CASD1: variants seen among roughly 807,000 people sequenced by gnomAD.
CASD1 encodes the protein CAS1 domain sialic acid O acetyltransferase 1.
Under a neutral mutation model 100.0 loss-of-function variants are expected in CASD1, and 41 were observed. The observed-to-expected ratio is 0.41, with a 90% confidence interval of 0.32 to 0.53. CASD1 has a LOEUF of 0.53. CASD1 is among the 20% of genes least tolerant of loss of function. CASD1 has a pLI of 0.25. For missense variants in CASD1, 774 were observed against 948.7 expected, an observed-to-expected ratio of 0.82 and a Z score of 2.42; for synonymous variants, 321 against 315.6, an observed-to-expected ratio of 1.02 and a Z score of -0.18.
At chr7:94,528,658 T>C (rs1794695509) in intron 5 of CASD1, among the ~76,000 whole-genome samples, 1 of 152,158 alleles carries the variant, frequency 6.6e-6, no homozygotes, top group Non-Finnish European at 1.5e-5. Flanking sequence ...AGCCTTTTTT[T>C]CCTTTTATTA....
chr7:94,611,167 AAT>A, the CASD1 span, among the ~76,000 whole-genome samples: 1 of 152,192 alleles, frequency 6.6e-6, no homozygotes, highest in African/African-American at 2.4e-5. Flanking sequence ...GAAAAATGAA[AAT>A]ATATGTCTAC....
At chr7:94,543,713 G>T (rs1324463586) in intron 10 of CASD1, among the ~76,000 whole-genome samples, 1 of 151,764 alleles carries the variant, frequency 6.6e-6, no homozygotes, top group African/African-American at 2.4e-5. Context: ...TACACATAAA[G>T]GATCAGCTGG....
At chr7:94,512,285 ATTTAAAGAAGG>A (rs1793749880) in intron 1 of CASD1, among the ~76,000 whole-genome samples, 1 of 152,212 alleles carries the variant, frequency 6.6e-6, no homozygotes, top group African/African-American at 2.4e-5. Context: ...ATCTCGTATC[ATTTAAAGAAGG>A]TTTACGAATT....
intron 5 of CASD1, among the ~76,000 whole-genome samples, chr7:94,531,572 A>C (rs1195787768): frequency 6.6e-6 from 1 of 152,154 alleles, no homozygotes. Flanking sequence ...AATATTTAAA[A>C]TTTTGTATCC....
chr7:94,601,325 AT>A, the CASD1 span, among the ~76,000 whole-genome samples: 1 of 151,740 alleles, frequency 6.6e-6, no homozygotes, highest in Non-Finnish European at 1.5e-5. Flanking sequence ...AAGAGGGACA[AT>A]TTCCAAACGT....
chr7:94,520,883 G>A (rs147999746), intron 3 of CASD1, among the ~76,000 whole-genome samples: 1,732 of 151,676 alleles, frequency 0.011, 34 homozygotes, highest in African/African-American at 0.04. Context: ...CCTGAGGTCA[G>A]GAGATCGAGA....
chr7:94,567,674 A>G, the CASD1 span, among the ~76,000 whole-genome samples: 1 of 152,180 alleles, frequency 6.6e-6, no homozygotes, highest in African/African-American at 2.4e-5. Context: ...TATGCCTGCT[A>G]GCTTCTTTTT....
chr7:94,621,443 T>G, the CASD1 span: 2 of 152,266 alleles, frequency 1.3e-5, no homozygotes, highest in Non-Finnish European at 2.9e-5. Context: ...AATCCTACAG[T>G]TGTCTAGCAG....
At chr7:94,561,787 T>C (rs1796343582), downstream of CASD1, among the ~76,000 whole-genome samples, 2 of 152,096 alleles carry the variant, frequency 1.3e-5, 1 homozygote, top group South Asian at 4.2e-4. Flanking sequence ...CTAGCTAATA[T>C]CTATCTTCTG....
rs1455116099 is a variant in CASD1 at position 94,537,666 on chromosome 7, T to C, written c.1038T>C (p.Asp346=). Residue 346 remains aspartate (D), a synonymous_variant, in exon 9 of 18, where the codon GAT becomes GAC. Coordinates refer to ENST00000297273, the MANE Select transcript of CASD1 (RefSeq NM_022900.5). Reference sequence around the variant, plus strand: ...ATCGGAAGAATAAGCCGTGTACTGATTTGGAAAGTGGAGAGGAAAAGAAAA... The same window carrying C: ...ATCGGAAGAATAAGCCGTGTACTGACTTGGAAAGTGGAGAGGAAAAGAAAA... ...NAHRKNKPCT[D]LESGEEKKNI... is the part of the protein sequence containing the mutation. The C allele has an allele frequency of 1.2e-6, 2 of 1,613,810 alleles. No individual in the cohort carries two copies. Among genetic ancestry groups the C allele is most frequent in the South Asian group, 2.2e-5 (2 of 91,080 alleles).
the CASD1 span, chr7:94,628,714 T>C: frequency 3.9e-6 from 1 of 254,082 alleles, no homozygotes; most frequent in Non-Finnish European, 7.7e-6. Flanking sequence ...AAATATTCCG[T>C]TCATGAAACT....
the CASD1 span, among the ~76,000 whole-genome samples, chr7:94,605,252 A>C: frequency 6.6e-6 from 1 of 152,156 alleles, no homozygotes; most frequent in Admixed American, 6.6e-5. Flanking sequence ...CTAATGAATA[A>C]AGTGAAACTA....
chr7:94,628,208 G>A, the CASD1 span: 18 of 1,609,930 alleles, frequency 1.1e-5, no homozygotes, highest in Non-Finnish European at 1.5e-5. Flanking sequence ...TTACCTCAAT[G>A]ATTGTTGGCT....
chr7:94,621,168 G>C, the CASD1 span: 4 of 152,140 alleles, frequency 2.6e-5, no homozygotes, highest in Non-Finnish European at 4.4e-5. Flanking sequence ...AATCTAATCT[G>C]GGATAAATAA....
intron 10 of CASD1, among the ~76,000 whole-genome samples, chr7:94,540,988 A>T (rs1203580001): frequency 8.5e-5 from 13 of 152,090 alleles, no homozygotes; most frequent in Admixed American, 8.5e-4. Flanking sequence ...ATTCTATTAT[A>T]ATCATTTACC....
chr7:94,552,187 A>C (rs1795982854), intron 15 of CASD1, 163 bp from the exon 16 acceptor site: 3 of 592,290 alleles, frequency 5.1e-6, no homozygotes, highest in Non-Finnish European at 8.8e-6. Flanking sequence ...AACATACCAA[A>C]ACAGGTGATG....
chr7:94,520,462 T>G (rs1035743385), intron 3 of CASD1, among the ~76,000 whole-genome samples: 6 of 152,214 alleles, frequency 3.9e-5, no homozygotes, highest in African/African-American at 1.2e-4. Context: ...ACTAGTTCTG[T>G]GAGAAGCTTT....
At chr7:94,545,444 C>A in intron 11 of CASD1, 101 bp from the exon 12 acceptor site, 1 of 763,234 alleles carries the variant, frequency 1.3e-6, no homozygotes, top group South Asian at 1.9e-5. Context: ...GAGTCTTAGC[C>A]ATTTATACTC....
In CASD1 at chr7:94,527,220, A is replaced by C; in HGVS notation, c.396+14A>C. 1 of 1,580,088 alleles carries C rather than the reference A, an allele frequency of 6.3e-7. No homozygotes were observed. Among genetic ancestry groups the C allele is most frequent in the Non-Finnish European group, 8.7e-7 (1 of 1,150,214 alleles). ...TCAGTTAAAGTGGTAAGTTCATGTA[A>C]TAGTAAGCTAGATGTTACAATGTTG... On this transcript the variant is annotated intron_variant, in intron 4 of 17. Coordinates refer to ENST00000297273, the MANE Select transcript of CASD1 (RefSeq NM_022900.5).
Sources: allele counts gnomAD v4.1 joint callset (sites outside exome capture counted in the v4.1 genomes callset), GRCh38; gene constraint gnomAD v4.1.1; transcripts MANE v1.5; gene names NCBI Gene and HGNC (gene_info 2026-07-23, HGNC 2026-07-21).